Variants in FMN1 observed in about 807,000 individuals in gnomAD.
FMN1 encodes the protein formin 1.
A neutral mutation model predicts 132.4 loss-of-function variants in FMN1; 110 were observed. The observed-to-expected ratio is 0.83, with a 90% CI of 0.71 to 0.97. FMN1 has a LOEUF of 0.97. Ranked by LOEUF, FMN1 falls within the 50% of genes least tolerant of loss-of-function variation. The pLI, the probability that FMN1 is intolerant of heterozygous loss-of-function variation, is 0.00. For missense variants in FMN1, 1,792 were observed against 1,705.3 expected, an observed-to-expected ratio of 1.05 and a Z score of -0.90; for synonymous variants, 722 against 651.7, an observed-to-expected ratio of 1.11 and a Z score of -1.64.
chr15:33,180,326 G>T (rs1965652826), intron 2 of FMN1, 64 bp from the exon 3 acceptor site: 2 of 152,014 alleles, frequency 1.3e-5, no homozygotes, highest in Non-Finnish European at 2.9e-5. Context: ...AGGTGTGTAT[G>T]TGTTACTGTG....
At chr15:33,123,602 C>T (rs1962771366) in intron 4 of FMN1, among the ~76,000 whole-genome samples, 1 of 152,104 alleles carries the variant, frequency 6.6e-6, no homozygotes, top group Non-Finnish European at 1.5e-5. Context: ...TATGGGGGTA[C>T]AGGTTATATA....
intron 19 of FMN1, among the ~76,000 whole-genome samples, chr15:32,794,019 G>C (rs757850681): frequency 3.3e-5 from 5 of 152,154 alleles, no homozygotes; most frequent in Non-Finnish European, 5.9e-5. Flanking sequence ...AAAGTGACCT[G>C]AGCAGTAGGG....
intron 4 of FMN1, among the ~76,000 whole-genome samples, chr15:33,109,426 CAG>C (rs2039611633): frequency 6.6e-6 from 1 of 151,918 alleles, no homozygotes; most frequent in Non-Finnish European, 1.5e-5. Flanking sequence ...ATAGCAAAGA[CAG>C]GGAATCAACC....
chr15:33,135,516 T>C (rs1216487305), intron 4 of FMN1, among the ~76,000 whole-genome samples: 4 of 152,202 alleles, frequency 2.6e-5, no homozygotes, highest in Non-Finnish European at 5.9e-5. Flanking sequence ...TGGCATCAAG[T>C]AGGAAAGATC....
At chr15:32,966,654 G>C (rs769701092) in intron 8 of FMN1, among the ~76,000 whole-genome samples, 5 of 152,150 alleles carry the variant, frequency 3.3e-5, no homozygotes, top group Admixed American at 6.5e-5. Flanking sequence ...TTCATACCAG[G>C]AGTCAAAAGC....
chr15:33,079,598 C>T (rs964765849), intron 5 of FMN1, among the ~76,000 whole-genome samples: 2 of 152,176 alleles, frequency 1.3e-5, no homozygotes, highest in Non-Finnish European at 2.9e-5. Flanking sequence ...ACTCCAGCCT[C>T]GGTGACAGAG....
intron 4 of FMN1, among the ~76,000 whole-genome samples, chr15:33,148,912 A>G (rs1964336479): frequency 6.6e-6 from 1 of 150,994 alleles, no homozygotes; most frequent in South Asian, 2.1e-4. Context: ...TCTTGCCTCA[A>G]AGGACATGGG....
intron 7 of FMN1, among the ~76,000 whole-genome samples, chr15:32,985,996 T>C (rs1555373681): frequency 6.6e-6 from 1 of 152,092 alleles, no homozygotes; most frequent in Non-Finnish European, 1.5e-5. Flanking sequence ...TATTTTTCAC[T>C]GAGAGACAAC....
At chr15:33,001,341 C>T (rs1028577992) in intron 7 of FMN1, among the ~76,000 whole-genome samples, 1 of 151,988 alleles carries the variant, frequency 6.6e-6, no homozygotes, top group East Asian at 1.9e-4. Flanking sequence ...AGTTCAAAAG[C>T]AAAGATTTAT....
chr15:32,976,645 T>C (rs191670409), intron 7 of FMN1, among the ~76,000 whole-genome samples: 6 of 152,326 alleles, frequency 3.9e-5, no homozygotes, highest in Admixed American at 2.6e-4. Context: ...CAAGGACACT[T>C]AGAAACATGA....
chr15:33,149,678 T>G (rs1964367883), intron 4 of FMN1: 3 of 584,728 alleles, frequency 5.1e-6, no homozygotes, highest in Non-Finnish European at 6.5e-6. Flanking sequence ...GCTGATGCAA[T>G]TTTTGAGTCC....
At position 32,908,565 on chromosome 15, in the gene FMN1, T is replaced by C. The variant is rs749053825; in HGVS notation, c.3302A>G (p.Asp1101Gly). 1.3e-6 allele frequency: 2 copies of C among 1,515,410 alleles called. No individual in the cohort carries two copies. The highest frequency in any genetic ancestry group is 1.5e-5 in the African/African-American group (1 of 68,262). The allele number at this position is 1,515,410 out of a possible 1,614,324, so 93.9% of individuals were successfully genotyped here. A position where few individuals can be genotyped will look rare whatever the true frequency, so the allele number is the denominator to read the frequency against. Reference protein sequence around the residue: ...AALYENRAQEDELVKIRKYYE... With the variant: ...AALYENRAQEGELVKIRKYYE... ...ATACTTTCTTATTTTAACCAGCTCA[T>C]CCTCTTGGGCTCTCTGTATCAAAAT... is the stretch of plus-strand genomic sequence containing the variant. The change falls in exon 12 of 21, where the codon GAT (aspartate) becomes GGT (glycine). Residue 1101 changes from aspartate (D) to glycine (G), a missense_variant. This residue lies in a region of FMN1 where 1,150 missense variants were observed against 1,043.1 expected (regional missense o/e 1.10). Transcript: ENST00000616417.
chr15:32,843,777 C>T (rs2058797182), intron 17 of FMN1, among the ~76,000 whole-genome samples: 1 of 152,116 alleles, frequency 6.6e-6, no homozygotes, highest in Admixed American at 6.6e-5. Flanking sequence ...GGTCTCAATG[C>T]CTGACTCTGA....
intron 5 of FMN1, among the ~76,000 whole-genome samples, chr15:33,076,903 A>T (rs1178511523): frequency 6.6e-6 from 1 of 152,230 alleles, no homozygotes; most frequent in African/African-American, 2.4e-5. Context: ...ATGAATCCTG[A>T]ATCAGCAATG....
In FMN1 at chr15:32,898,869, AG is replaced by A; in HGVS notation, c.3678del (p.Tyr1227ThrfsTer41). On this transcript the variant is annotated frameshift_variant, in exon 15 of 21. Transcript: ENST00000616417. LOFTEE classifies it high-confidence loss of function. ...TAACGCAGGTAATACTTAACAACGTAGTCCACCAGATTAATCCCATTATCCT... is the reference window on the plus strand; with the variant it reads ...TAACGCAGGTAATACTTAACAACGTATCCACCAGATTAATCCCATTATCCT... ...KSRDNGINLV[D>X]YVVKYYLRYY... 2 of 1,600,726 alleles carry A rather than the reference AG, an allele frequency of 1.2e-6. No individual in the cohort carries two copies. Among genetic ancestry groups the A allele is most frequent in the Non-Finnish European group, 1.7e-6 (2 of 1,169,226 alleles).
chr15:33,021,587 G>GAGGTAC (rs972724793), intron 6 of FMN1, among the ~76,000 whole-genome samples: 18 of 152,194 alleles, frequency 1.2e-4, no homozygotes, highest in African/African-American at 3.9e-4. Context: ...TGATATAAAA[G>GAGGTAC]AGGTACAAAA....
intron 20 of FMN1, among the ~76,000 whole-genome samples, chr15:32,775,946 T>G (rs1402768842): frequency 6.6e-6 from 1 of 152,184 alleles, no homozygotes; most frequent in African/African-American, 2.4e-5. Context: ...TCCCACTCAT[T>G]GCCATTCCCC....
chr15:33,007,482 A>C (rs1348299625), intron 7 of FMN1, among the ~76,000 whole-genome samples: 2 of 152,150 alleles, frequency 1.3e-5, no homozygotes, highest in Admixed American at 1.3e-4. Flanking sequence ...TCCCTCAGTC[A>C]TTCCGGGCTT....
intron 17 of FMN1, among the ~76,000 whole-genome samples, chr15:32,814,986 A>G (rs1595989642): frequency 6.6e-6 from 1 of 152,116 alleles, no homozygotes; most frequent in South Asian, 2.1e-4. Flanking sequence ...TCTGTCGCCC[A>G]GACTGGAGTG....
Sources: allele counts gnomAD v4.1 joint callset (sites outside exome capture counted in the v4.1 genomes callset), GRCh38; gene constraint gnomAD v4.1.1; regional missense constraint gnomAD v4.1.1; transcripts MANE v1.5; gene names NCBI Gene and HGNC (gene_info 2026-07-23, HGNC 2026-07-21).